The following ALDH1A1 variants were observed in gnomAD, a reference collection of about 807,000 sequenced individuals.
ALDH1A1 encodes the protein aldehyde dehydrogenase 1 family member A1.
A neutral mutation model predicts 62.1 loss-of-function variants in ALDH1A1; 19 were observed. The observed-to-expected ratio is 0.31, with a 90% CI of 0.21 to 0.45. The LOEUF is 0.45. ALDH1A1 is among the 20% of genes least tolerant of loss of function. The pLI, the probability that ALDH1A1 is intolerant of heterozygous loss-of-function variation, is 1.00. For missense variants in ALDH1A1, 521 were observed against 607.1 expected, an observed-to-expected ratio of 0.86 and a Z score of 1.49; for synonymous variants, 231 against 215.9, an observed-to-expected ratio of 1.07 and a Z score of -0.61.
intron 2 of ALDH1A1, among the ~76,000 whole-genome samples, chr9:72,935,486 C>T (rs1266870227): frequency 6.6e-6 from 1 of 152,156 alleles, no homozygotes; most frequent in African/African-American, 2.4e-5. Flanking sequence ...ATATTAAATT[C>T]ATTCAGAGAT....
At chr9:72,929,782 C>CT (rs1359753839) in intron 3 of ALDH1A1, among the ~76,000 whole-genome samples, 1 of 152,168 alleles carries the variant, frequency 6.6e-6, no homozygotes, top group Non-Finnish European at 1.5e-5. Flanking sequence ...ACTACACTCT[C>CT]TATCATGTCA....
In ALDH1A1 at chr9:72,931,139, C is replaced by T. The variant is rs8187914; in HGVS notation, c.172-120G>A. 925 of 1,106,870 alleles carry T rather than the reference C, an allele frequency of 8.4e-4. 8 individuals are homozygous for T. In the African/African-American group the frequency reaches 0.012, roughly 15 times the overall value. The allele number at this position is 1,106,870 out of a possible 1,614,324, so 68.6% of individuals were successfully genotyped here. A position where few individuals can be genotyped will look rare whatever the true frequency, so the allele number is the denominator to read the frequency against. Reference sequence around the variant, plus strand: ...TAAGCAGGCACTGTGTCTCCATTATCCCAAAGTCTAACACATTGCGCACAT... The same window carrying T: ...TAAGCAGGCACTGTGTCTCCATTATTCCAAAGTCTAACACATTGCGCACAT... On this transcript the variant is annotated intron_variant, in intron 2 of 12. Coordinates refer to ENST00000297785, the MANE Select transcript of ALDH1A1 (RefSeq NM_000689.5).
At chr9:72,934,389 A>C (rs1466559920) in intron 2 of ALDH1A1, among the ~76,000 whole-genome samples, 1 of 152,156 alleles carries the variant, frequency 6.6e-6, no homozygotes, top group Non-Finnish European at 1.5e-5. Flanking sequence ...TCTTCTGCAA[A>C]TAATTTTATC....
At chr9:72,914,790 A>G (rs749549950) in intron 9 of ALDH1A1, among the ~76,000 whole-genome samples, 1 of 152,026 alleles carries the variant, frequency 6.6e-6, no homozygotes, top group Non-Finnish European at 1.5e-5. Context: ...TAATGTTCAA[A>G]TTTTTTTAAA....
intron 11 of ALDH1A1, among the ~76,000 whole-genome samples, chr9:72,908,555 GAAAGAAAGA>G (rs1829921036): frequency 1.8e-3 from 6 of 3,262 alleles, no homozygotes; most frequent in African/African-American, 4.2e-3. Context: ...AAAGAAAGAA[GAAAGAAAGA>G]AAGAAAGAAA....
intron 2 of ALDH1A1, among the ~76,000 whole-genome samples, chr9:72,932,868 C>T (rs956315971): frequency 6.6e-6 from 1 of 152,152 alleles, no homozygotes; most frequent in Admixed American, 6.5e-5. Flanking sequence ...TATGACACAG[C>T]TTTCATTTGG....
intron 10 of ALDH1A1, among the ~76,000 whole-genome samples, chr9:72,911,064 C>T (rs1829978500): frequency 2.0e-5 from 3 of 151,992 alleles, no homozygotes; most frequent in Admixed American, 2.0e-4. Context: ...AATGACAGCT[C>T]ATTTTTTTTC....
chr9:72,925,873 GA>G (rs971993670), intron 5 of ALDH1A1, among the ~76,000 whole-genome samples: 40 of 148,412 alleles, frequency 2.7e-4, no homozygotes, highest in Middle Eastern at 3.5e-3. Context: ...TTTCTACCAG[GA>G]AAAAAAAAAT....
intron 11 of ALDH1A1, among the ~76,000 whole-genome samples, chr9:72,908,638 ATAGGTCTGATC>A (rs1371737127): frequency 1.3e-5 from 2 of 151,572 alleles, no homozygotes; most frequent in Admixed American, 6.6e-5. Context: ...AGAATATTGC[ATAGGTCTGATC>A]TAGGTGTGAC....
intron 1 of ALDH1A1, among the ~76,000 whole-genome samples, chr9:72,951,742 T>C (rs1471280898): frequency 6.6e-6 from 1 of 152,060 alleles, no homozygotes; most frequent in East Asian, 1.9e-4. Context: ...ATGCTACCAT[T>C]TGTAGTAAAA....
chr9:72,905,645 G>A (rs953346495), intron 12 of ALDH1A1, among the ~76,000 whole-genome samples: 5 of 152,022 alleles, frequency 3.3e-5, no homozygotes, highest in African/African-American at 1.2e-4. Flanking sequence ...TTCTGGAAAT[G>A]TTTCCCAAAT....
At position 72,912,058 on chromosome 9, in the gene ALDH1A1, T is replaced by C. The variant is rs1461921659; in HGVS notation, c.1100A>G (p.Lys367Arg). 1.2e-6 allele frequency: 2 copies of C among 1,613,770 alleles called. No homozygotes were observed. The highest frequency in any genetic ancestry group is 2.7e-5 in the African/African-American group (2 of 74,902). ...CCACGGGCCTCCTCCACATTCCAGT[T>C]TGGCCCCTTCTTTCTTCCCACTCTC... Reference protein sequence around the residue: ...LIESGKKEGAKLECGGGPWGN... With the variant: ...LIESGKKEGARLECGGGPWGN... Residue 367 changes from lysine (K) to arginine (R), a missense_variant, in exon 10 of 13, where the codon AAA (lysine) becomes AGA (arginine). Transcript: ENST00000297785.
At chr9:72,931,138 T>A in intron 2 of ALDH1A1, 119 bp from the exon 3 acceptor site, 1 of 1,106,210 alleles carries the variant, frequency 9.0e-7, no homozygotes, top group Non-Finnish European at 1.3e-6. Flanking sequence ...GTCTCCATTA[T>A]CCCAAAGTCT....
At chr9:72,946,965 G>C (rs1830483690) in intron 1 of ALDH1A1, among the ~76,000 whole-genome samples, 1 of 151,862 alleles carries the variant, frequency 6.6e-6, no homozygotes, top group Non-Finnish European at 1.5e-5. Flanking sequence ...CAAGTATGTA[G>C]TGACAAATTC....
rs571756310 is a variant in ALDH1A1, at chr9:72,918,683, T to C, written c.850+37A>G. The C allele has an allele frequency of 4.6e-6, 5 of 1,094,648 alleles. No individual in the cohort carries two copies. The Admixed American group carries it at 1.3e-4, about 29-fold the overall frequency. 67.8% of individuals were successfully genotyped at this position (1,094,648 alleles called of 1,614,324 possible). A position where few individuals can be genotyped will look rare whatever the true frequency, so the allele number is the denominator to read the frequency against. On this transcript the variant is annotated intron_variant, in intron 8 of 12. Transcript: ENST00000297785. ...TGGCATTATCAGACACCAAAAACGA[T>C]GAAGGACGAAAAGTTAACAAAGTGG...
chr9:72,917,437 G>A (rs1830079873), intron 8 of ALDH1A1, among the ~76,000 whole-genome samples: 1 of 151,970 alleles, frequency 6.6e-6, no homozygotes, highest in Non-Finnish European at 1.5e-5. Flanking sequence ...TTAGATGATT[G>A]TGATTATTTC....
chr9:72,916,566 A>T (rs924794844), intron 9 of ALDH1A1, among the ~76,000 whole-genome samples: 19 of 152,160 alleles, frequency 1.2e-4, no homozygotes, highest in African/African-American at 4.6e-4. Flanking sequence ...TCAGGAGGAA[A>T]AAATGGTAGG....
intron 8 of ALDH1A1, among the ~76,000 whole-genome samples, chr9:72,917,403 A>G (rs1379637052): frequency 6.6e-6 from 1 of 152,114 alleles, no homozygotes; most frequent in East Asian, 1.9e-4. Context: ...GAAATGATTT[A>G]TATAAATATC....
intron 2 of ALDH1A1, among the ~76,000 whole-genome samples, chr9:72,938,749 ATT>A (rs879761628): frequency 1.4e-5 from 2 of 139,020 alleles, no homozygotes; most frequent in African/African-American, 2.7e-5. Context: ...AGACTATTTA[ATT>A]TTTTTTTTTT....
Sources: gnomAD v4.1 joint callset for allele counts (sites outside exome capture counted in the v4.1 genomes callset) on GRCh38, gnomAD v4.1.1 for gene constraint, MANE v1.5 for transcripts, NCBI Gene and HGNC (gene_info 2026-07-23, HGNC 2026-07-21) for gene names.